TMCC1: variants seen among roughly 807,000 people sequenced by gnomAD.
TMCC1 encodes transmembrane and coiled-coil domain family 1, also known as transmembrane and coiled-coil domains protein 1.
Under a neutral mutation model 52.4 loss-of-function variants are expected in TMCC1, and 15 were observed. That is an observed-to-expected ratio of 0.29 (90% CI 0.19 to 0.44). TMCC1 has a LOEUF of 0.44. Ranked by LOEUF, TMCC1 falls within the 20% of genes least tolerant of loss-of-function variation. TMCC1 has a pLI of 1.00. For synonymous variants in TMCC1, 279 were observed against 301.9 expected, an observed-to-expected ratio of 0.92 and a Z score of 0.79; for missense variants, 503 against 806.0, an observed-to-expected ratio of 0.62 and a Z score of 4.55.
chr3:129,695,387 T>C (rs1181732268), intron 4 of TMCC1, among the ~76,000 whole-genome samples: 2 of 152,176 alleles, frequency 1.3e-5, no homozygotes, highest in Admixed American at 6.5e-5. Context: ...TGTATTAGTC[T>C]GTTCTCATGC....
At chr3:129,760,965 G>A (rs145815088) in intron 4 of TMCC1, among the ~76,000 whole-genome samples, 1 of 152,132 alleles carries the variant, frequency 6.6e-6, no homozygotes, top group East Asian at 1.9e-4. Flanking sequence ...GTGTTGTACA[G>A]TTCTACGGGT....
At chr3:129,791,244 C>T (rs2056439862) in intron 4 of TMCC1, among the ~76,000 whole-genome samples, 1 of 151,958 alleles carries the variant, frequency 6.6e-6, no homozygotes. Flanking sequence ...CAGGCACCCG[C>T]CACCACGTCC....
chr3:129,863,329 A>G (rs2060478465), intron 2 of TMCC1, among the ~76,000 whole-genome samples: 1 of 152,212 alleles, frequency 6.6e-6, no homozygotes, highest in African/African-American at 2.4e-5. Context: ...GTGATGTAAG[A>G]ATAAGATTTT....
At position 129,833,812 on chromosome 3, in the gene TMCC1, C is replaced by A. The variant is rs746710141; in HGVS notation, c.-183-986G>T. On this transcript the variant is annotated intron_variant, in intron 2 of 6. Transcript: ENST00000393238. ...TCATTAAATTTTTTTAAATTACAAA[C>A]CAGAGCCACCATGTACAACTGAGAA... 2.6e-5 allele frequency among the ~76,000 whole-genome samples: 4 copies of A among 152,102 alleles called. No individual in the cohort carries two copies. The East Asian group carries it at 5.8e-4, about 22-fold the overall frequency.
intron 2 of TMCC1, among the ~76,000 whole-genome samples, chr3:129,877,649 CAG>C (rs1296369914): frequency 8.1e-6 from 1 of 123,760 alleles, no homozygotes; most frequent in Non-Finnish European, 1.6e-5. Context: ...TTTTTTGAGA[CAG>C]AGAGTCTCAC....
At chr3:129,701,163 G>A (rs557333172) in intron 4 of TMCC1, among the ~76,000 whole-genome samples, 3 of 152,230 alleles carry the variant, frequency 2.0e-5, no homozygotes, top group South Asian at 4.1e-4. Context: ...AAGTTTTTCC[G>A]AAAGTGGCAA....
intron 2 of TMCC1, among the ~76,000 whole-genome samples, chr3:129,879,086 C>A (rs1216399209): frequency 6.6e-6 from 1 of 152,168 alleles, no homozygotes; most frequent in Admixed American, 6.5e-5. Context: ...TTCCTGCTTT[C>A]CTTTTACTTT....
intron 2 of TMCC1, among the ~76,000 whole-genome samples, chr3:129,876,786 C>G (rs748319698): frequency 6.6e-6 from 1 of 152,042 alleles, no homozygotes; most frequent in Non-Finnish European, 1.5e-5. Context: ...AACTCCGTCT[C>G]TACTAAAAAT....
At chr3:129,847,513 CTTT>C (rs933191336) in intron 2 of TMCC1, 3 of 152,148 alleles carry the variant, frequency 2.0e-5, no homozygotes, top group Non-Finnish European at 4.4e-5. Context: ...ATCAACTGTT[CTTT>C]TTATTGCCGA....
At chr3:129,763,299 T>C (rs890043807) in intron 4 of TMCC1, among the ~76,000 whole-genome samples, 2 of 148,212 alleles carry the variant, frequency 1.3e-5, no homozygotes, top group African/African-American at 5.0e-5. Context: ...TTCCTGTACT[T>C]TGGGGAGCCG....
Position 129,670,676 on chromosome 3 carries a change from G to A in TMCC1, c.1165C>T (p.Leu389=), listed in dbSNP as rs1434899125. 1 of 1,614,210 alleles carries A rather than the reference G, an allele frequency of 6.2e-7. No individual in the cohort carries two copies. Among genetic ancestry groups the A allele is most frequent in the Non-Finnish European group, 8.5e-7 (1 of 1,180,036 alleles). The part of the protein sequence containing the change: ...KFGSADNIPN[L]KDSLEEGQVD... ...TGCCCTTCCTCTAAAGAGTCCTTCA[G>A]GTTGGGGATGTTGTCTGCACTGCCA... The change falls in exon 5 of 7, where the codon CTG becomes TTG. Residue 389 remains leucine (L), a synonymous_variant. Transcript: ENST00000393238.
At chr3:129,781,843 G>T (rs1362654185) in intron 4 of TMCC1, among the ~76,000 whole-genome samples, 4 of 152,068 alleles carry the variant, frequency 2.6e-5, no homozygotes, top group African/African-American at 4.8e-5. Flanking sequence ...TAGCTAGGAG[G>T]TTAATACAAT....
intron 4 of TMCC1, among the ~76,000 whole-genome samples, chr3:129,752,238 A>G (rs964929463): frequency 6.6e-6 from 1 of 152,160 alleles, no homozygotes; most frequent in Non-Finnish European, 1.5e-5. Context: ...CTGTGACCTT[A>G]TCTCTTCCCT....
At chr3:129,863,902 C>G (rs561619144) in intron 2 of TMCC1, among the ~76,000 whole-genome samples, 4 of 151,872 alleles carry the variant, frequency 2.6e-5, no homozygotes, top group Non-Finnish European at 5.9e-5. Flanking sequence ...AAGTAAGAAC[C>G]AAATCAACAT....
intron 4 of TMCC1, among the ~76,000 whole-genome samples, chr3:129,787,107 A>G (rs769605420): frequency 3.3e-5 from 5 of 152,222 alleles, no homozygotes; most frequent in Non-Finnish European, 7.4e-5. Flanking sequence ...CTGGCAGCAC[A>G]TAAGAAATCA....
intron 4 of TMCC1, among the ~76,000 whole-genome samples, chr3:129,808,499 A>ATAC (rs2057597477): frequency 6.6e-6 from 1 of 151,416 alleles, no homozygotes; most frequent in South Asian, 2.1e-4. Flanking sequence ...AATAATAATA[A>ATAC]TAATAAAATT....
intron 2 of TMCC1, among the ~76,000 whole-genome samples, chr3:129,866,018 C>T (rs2060608992): frequency 6.6e-6 from 1 of 151,906 alleles, no homozygotes; most frequent in Admixed American, 6.6e-5. Context: ...CTATCATATA[C>T]CATAGTTTAT....
intron 4 of TMCC1, among the ~76,000 whole-genome samples, chr3:129,716,799 C>T (rs921156620): frequency 1.6e-4 from 25 of 152,230 alleles, no homozygotes; most frequent in African/African-American, 5.8e-4. Flanking sequence ...CTTTCTGCTC[C>T]AAAGCTGAAG....
At chr3:129,686,124 AT>A (rs144596096) in intron 4 of TMCC1, among the ~76,000 whole-genome samples, 42 of 152,226 alleles carry the variant, frequency 2.8e-4, no homozygotes, top group African/African-American at 8.7e-4. Context: ...TGAAGAAATT[AT>A]TTTTTTTAAA....
Sources: allele counts gnomAD v4.1 joint callset (sites outside exome capture counted in the v4.1 genomes callset), GRCh38; gene constraint gnomAD v4.1.1; transcripts MANE v1.5; gene names NCBI Gene and HGNC (gene_info 2026-07-23, HGNC 2026-07-21).